NF1: variants seen among roughly 807,000 people sequenced by gnomAD.
NF1 encodes the protein neurofibromin 1.
In NF1, 122 loss-of-function variants were observed where a neutral mutation model predicts 325.7. That is an observed-to-expected ratio of 0.37 (90% confidence interval 0.32 to 0.44). The LOEUF (loss-of-function observed/expected upper bound fraction) is 0.44, where lower values mean the gene tolerates loss of function less well. Ranked by LOEUF, NF1 falls within the 20% of genes least tolerant of loss-of-function variation. NF1 has a pLI of 1.00. For synonymous variants in NF1, 1,091 were observed against 1,186.0 expected (o/e 0.92, Z 1.65); for missense variants, 2,140 against 3,415.4 (o/e 0.63, Z 9.31).
chr17:31,313,416 G>A (rs2068933677), intron 36 of NF1, among the ~76,000 whole-genome samples: 1 of 152,014 alleles, frequency 6.6e-6, no homozygotes, highest in Admixed American at 6.6e-5. Flanking sequence ...TAACAAATAT[G>A]ATTGTGGCTG....
chr17:31,278,477 G>T (rs1597772119), intron 36 of NF1, among the ~76,000 whole-genome samples: 1 of 38,092 alleles, frequency 2.6e-5, no homozygotes, highest in Non-Finnish European at 4.3e-5. Flanking sequence ...CACAGACATT[G>T]CCTTGGTAAT....
At chr17:31,319,868 A>G (rs1254966136) in intron 36 of NF1, among the ~76,000 whole-genome samples, 1 of 151,988 alleles carries the variant, frequency 6.6e-6, no homozygotes. Context: ...TGATTTTGAC[A>G]TAATTGTAAA....
intron 29 of NF1, among the ~76,000 whole-genome samples, chr17:31,239,193 G>A (rs1386419532): frequency 6.6e-6 from 1 of 152,220 alleles, no homozygotes; most frequent in Non-Finnish European, 1.5e-5. Context: ...AAAATGGACA[G>A]TGTGTAAGAA....
intron 50 of NF1, among the ~76,000 whole-genome samples, chr17:31,351,966 T>TC (rs1352905735): frequency 6.6e-6 from 1 of 152,112 alleles, no homozygotes; most frequent in Non-Finnish European, 1.5e-5. Context: ...AGCTAAGAGA[T>TC]TGGACACCCC....
intron 5 of NF1, among the ~76,000 whole-genome samples, chr17:31,181,064 G>A (rs2066122099): frequency 6.6e-6 from 1 of 152,168 alleles, no homozygotes; most frequent in Non-Finnish European, 1.5e-5. Context: ...TCTTCAAGGA[G>A]AACTACAAAC....
chr17:31,310,411 GTA>G (rs2068839009), intron 36 of NF1, among the ~76,000 whole-genome samples: 4 of 151,704 alleles, frequency 2.6e-5, no homozygotes, highest in Admixed American at 2.0e-4. Flanking sequence ...GATGATTGAA[GTA>G]GGCAAAATGA....
chr17:31,133,926 G>A (rs2143482527), intron 1 of NF1, among the ~76,000 whole-genome samples: 1 of 152,260 alleles, frequency 6.6e-6, no homozygotes, highest in African/African-American at 2.4e-5. Flanking sequence ...CAAAATGTTG[G>A]GATTACAGGC....
intron 1 of NF1, among the ~76,000 whole-genome samples, chr17:31,124,685 C>T (rs1393318611): frequency 2.7e-5 from 4 of 148,124 alleles, no homozygotes; most frequent in Non-Finnish European, 5.9e-5. Context: ...CTGCAAGCTC[C>T]GCCTCCCAGG....
chr17:31,256,158 A>G (rs1597741957), intron 31 of NF1, among the ~76,000 whole-genome samples: 1 of 151,828 alleles, frequency 6.6e-6, no homozygotes, highest in East Asian at 1.9e-4. Flanking sequence ...TTATTTATTT[A>G]TTTTGAGACA....
At chr17:31,312,844 A>G (rs1395457647) in intron 36 of NF1, among the ~76,000 whole-genome samples, 6 of 144,680 alleles carry the variant, frequency 4.1e-5, no homozygotes, top group South Asian at 2.3e-4. Context: ...TTACAAGTCT[A>G]TGTAAAATAC....
At position 31,318,304 on chromosome 17, in the gene NF1, T is replaced by G. The variant is rs2069077635; in HGVS notation, c.4836-7516T>G. The G allele has an allele frequency of 5.0e-6, 8 of 1,600,774 alleles. No homozygotes were observed. The East Asian group carries it at 1.8e-4, about 36-fold the overall frequency. On this transcript the variant is annotated intron_variant, in intron 36 of 57. Transcript: ENST00000358273. ...ATTGCTACTTTGCATTTTTCTTCAC[T>G]AACCTATCTGTTTGTTAGTAAGTTT...
chr17:31,246,481 T>C, intron 29 of NF1, among the ~76,000 whole-genome samples: 1 of 152,256 alleles, frequency 6.6e-6, no homozygotes, highest in South Asian at 2.1e-4. Flanking sequence ...AAATTACTAA[T>C]TAACCTGTTA....
At chr17:31,269,152 T>A (rs989000802) in intron 36 of NF1, among the ~76,000 whole-genome samples, 2 of 152,192 alleles carry the variant, frequency 1.3e-5, no homozygotes, top group Non-Finnish European at 2.9e-5. Flanking sequence ...TCCTCCTTCA[T>A]CACCAGTTGA....
chr17:31,109,256 C>T (rs1266021813), intron 1 of NF1, among the ~76,000 whole-genome samples: 1 of 152,182 alleles, frequency 6.6e-6, no homozygotes, highest in African/African-American at 2.4e-5. Flanking sequence ...AAATTTTCAT[C>T]TGTATCTTGG....
At chr17:31,246,139 C>A (rs17880548) in intron 29 of NF1, among the ~76,000 whole-genome samples, 358 of 152,298 alleles carry the variant, frequency 2.4e-3, no homozygotes, top group Middle Eastern at 0.02. Context: ...TGTCTTTCTC[C>A]TTTTTGAAAA....
At chr17:31,108,443 T>G (rs1442369259) in intron 1 of NF1, among the ~76,000 whole-genome samples, 1 of 151,684 alleles carries the variant, frequency 6.6e-6, no homozygotes, top group African/African-American at 2.4e-5. Flanking sequence ...CTGGCTAAAT[T>G]TTTTGTATTT....
At chr17:31,273,789 A>G (rs762572810) in intron 36 of NF1, among the ~76,000 whole-genome samples, 5 of 152,216 alleles carry the variant, frequency 3.3e-5, no homozygotes, top group Admixed American at 6.5e-5. Context: ...AGATTAAAGA[A>G]TTCAAATAAA....
chr17:31,271,820 A>G (rs529459382), intron 36 of NF1, among the ~76,000 whole-genome samples: 4 of 151,238 alleles, frequency 2.6e-5, no homozygotes, highest in South Asian at 2.1e-4. Context: ...CCCATCCTCT[A>G]TCCCCTATCC....
chr17:31,248,220 C>CCAA (rs2067432337), intron 29 of NF1, among the ~76,000 whole-genome samples: 67 of 126,182 alleles, frequency 5.3e-4, no homozygotes, highest in Admixed American at 5.8e-4. Context: ...CACCCCCCAC[C>CCAA]AAAAAAAAAA....
Sources: gnomAD v4.1 joint callset for allele counts (sites outside exome capture counted in the v4.1 genomes callset) on GRCh38, gnomAD v4.1.1 for gene constraint, MANE v1.5 for transcripts, NCBI Gene and HGNC (gene_info 2026-07-23, HGNC 2026-07-21) for gene names.